Variants in DNAJC6 observed in about 807,000 individuals in gnomAD.
DNAJC6 encodes DnaJ heat shock protein family (Hsp40) member C6.
In DNAJC6, 34 loss-of-function variants were observed where a neutral mutation model predicts 110.0. The observed-to-expected ratio is 0.31, with a 90% confidence interval of 0.24 to 0.41. The LOEUF is 0.41. Among genes scored for constraint, DNAJC6 ranks in the 10% least tolerant of loss-of-function variants. The pLI, the probability that DNAJC6 is intolerant of heterozygous loss-of-function variation, is 1.00. For synonymous variants in DNAJC6, 406 were observed against 437.2 expected (o/e 0.93, Z 0.89); for missense variants, 1,031 against 1,207.8 (o/e 0.85, Z 2.17).
At chr1:65,290,226 G>A (rs993723507) in intron 1 of DNAJC6, among the ~76,000 whole-genome samples, 4 of 152,112 alleles carry the variant, frequency 2.6e-5, no homozygotes, top group African/African-American at 9.7e-5. Flanking sequence ...TGCCTTTTTT[G>A]TACTGATTTG....
intron 1 of DNAJC6, among the ~76,000 whole-genome samples, chr1:65,363,422 GAGAGAC>G (rs1557542444): frequency 1.5e-4 from 18 of 119,462 alleles, no homozygotes; most frequent in Non-Finnish European, 3.3e-4. Flanking sequence ...CAGAGAGAGA[GAGAGAC>G]AGAGAAAGAG....
At chr1:65,288,203 A>G (rs1413616088) in intron 1 of DNAJC6, among the ~76,000 whole-genome samples, 1 of 152,180 alleles carries the variant, frequency 6.6e-6, no homozygotes, top group South Asian at 2.1e-4. Flanking sequence ...TCAAATCCTG[A>G]GTCCTTAGGG....
intron 1 of DNAJC6, among the ~76,000 whole-genome samples, chr1:65,339,715 T>C (rs1265798097): frequency 6.6e-6 from 1 of 151,692 alleles, no homozygotes; most frequent in Non-Finnish European, 1.5e-5. Context: ...AACTGGGGAG[T>C]GGTCAGTCAA....
Position 65,406,122 on chromosome 1 carries a change from C to T in DNAJC6, c.2480C>T (p.Ser827Leu), listed in dbSNP as rs200310838. Residue 827 changes from serine to leucine, a missense_variant, in exon 16 of 19, where the codon TCA becomes TTA. Coordinates refer to ENST00000371069, the MANE Select transcript of DNAJC6 (RefSeq NM_001256864.2). ...PGGQNERGKG[S>L]SNLEGKQKAA... The stretch of plus-strand genomic sequence containing the variant: ...GGCCAGAACGAACGTGGGAAAGGAT[C>T]AAGTAATTTGGGTAAGGATAATGGT... 34 of 1,613,582 alleles carry T rather than the reference C, an allele frequency of 2.1e-5. No individual in the cohort carries two copies. The highest frequency in any genetic ancestry group is 2.7e-5 in the Non-Finnish European group (32 of 1,179,776).
chr1:65,329,682 G>C (rs1268576318), intron 1 of DNAJC6, among the ~76,000 whole-genome samples: 2 of 152,134 alleles, frequency 1.3e-5, no homozygotes, highest in East Asian at 3.9e-4. Flanking sequence ...CTGTCTGCAA[G>C]AAGGAACTGC....
At chr1:65,380,019 C>G (rs1187930678) in intron 5 of DNAJC6, among the ~76,000 whole-genome samples, 1 of 152,214 alleles carries the variant, frequency 6.6e-6, no homozygotes, top group African/African-American at 2.4e-5. Context: ...GAGTTCCTTT[C>G]CCTAACTCTT....
Position 65,386,062 on chromosome 1 carries a change from A to T in DNAJC6, c.995+156A>T, listed in dbSNP as rs1476149988. Among the ~76,000 whole-genome samples, 3 of 152,252 alleles carry T rather than the reference A, an allele frequency of 2.0e-5. No individual in the cohort carries two copies. In the East Asian group the frequency reaches 5.8e-4, roughly 29 times the overall value. On this transcript the variant is annotated intron_variant, in intron 7 of 18. Coordinates refer to ENST00000371069, the MANE Select transcript of DNAJC6 (RefSeq NM_001256864.2). ...ACATCAGTGGTAATCATAGAAAAGT[A>T]CAAGTAAATCAGGGGATGTTATGGC...
At chr1:65,347,377 G>C (rs544552745) in intron 1 of DNAJC6, among the ~76,000 whole-genome samples, 1 of 151,826 alleles carries the variant, frequency 6.6e-6, no homozygotes, top group South Asian at 2.1e-4. Context: ...TACGGCACAA[G>C]GCCCCGTCTG....
chr1:65,367,765 T>C (rs1257043813), intron 4 of DNAJC6, among the ~76,000 whole-genome samples: 3 of 152,130 alleles, frequency 2.0e-5, no homozygotes. Context: ...TCTATCAGTG[T>C]AACTAAAGAT....
intron 5 of DNAJC6, among the ~76,000 whole-genome samples, chr1:65,383,812 A>G (rs1645844992): frequency 6.6e-6 from 1 of 152,226 alleles, no homozygotes; most frequent in African/African-American, 2.4e-5. Context: ...AGATACATAT[A>G]TGCCATATCC....
intron 1 of DNAJC6, among the ~76,000 whole-genome samples, chr1:65,270,868 A>G (rs951590731): frequency 1.3e-5 from 2 of 152,022 alleles, no homozygotes; most frequent in Non-Finnish European, 2.9e-5. Flanking sequence ...TAGTAGAGTC[A>G]GGGTTTCACC....
At chr1:65,383,151 T>G (rs994532636) in intron 5 of DNAJC6, among the ~76,000 whole-genome samples, 1 of 152,170 alleles carries the variant, frequency 6.6e-6, no homozygotes, top group Non-Finnish European at 1.5e-5. Flanking sequence ...TCCCTGTCAC[T>G]TAAAGTGTTC....
chr1:65,360,649 G>A (rs1256494771), intron 1 of DNAJC6, among the ~76,000 whole-genome samples: 1 of 152,166 alleles, frequency 6.6e-6, no homozygotes, highest in African/African-American at 2.4e-5. Flanking sequence ...ACATGGTGGG[G>A]TGTGTTTACA....
intron 15 of DNAJC6, 113 bp from the exon 16 acceptor site, chr1:65,405,757 A>G (rs1646069453): frequency 8.0e-7 from 1 of 1,255,894 alleles, no homozygotes; most frequent in Non-Finnish European, 1.1e-6. Flanking sequence ...AAGATTACTT[A>G]TGCTGTCAGT....
At chr1:65,371,858 G>C (rs1645709601) in intron 4 of DNAJC6, among the ~76,000 whole-genome samples, 1 of 152,180 alleles carries the variant, frequency 6.6e-6, no homozygotes, top group South Asian at 2.1e-4. Context: ...GAACCCCAGA[G>C]AGCTACAAAA....
At chr1:65,277,461 T>A (rs1438719841) in intron 1 of DNAJC6, among the ~76,000 whole-genome samples, 1 of 152,250 alleles carries the variant, frequency 6.6e-6, no homozygotes, top group Admixed American at 6.5e-5. Context: ...CAATTCAACA[T>A]GATCCTAAAA....
At chr1:65,295,684 C>T (rs191935340) in intron 1 of DNAJC6, among the ~76,000 whole-genome samples, 1 of 152,214 alleles carries the variant, frequency 6.6e-6, no homozygotes, top group East Asian at 1.9e-4. Context: ...GTTCAAATAT[C>T]CAGGCTGGAA....
chr1:65,288,807 A>G (rs958253740), intron 1 of DNAJC6, among the ~76,000 whole-genome samples: 5 of 152,094 alleles, frequency 3.3e-5, no homozygotes, highest in African/African-American at 1.2e-4. Context: ...ATTTTGCCCA[A>G]ATTTATGTTT....
intron 1 of DNAJC6, among the ~76,000 whole-genome samples, chr1:65,323,427 C>T (rs541765181): frequency 6.6e-6 from 1 of 152,092 alleles, no homozygotes; most frequent in East Asian, 1.9e-4. Context: ...GTCTTGCTTC[C>T]CCTTTGCCTT....
Sources: allele counts gnomAD v4.1 joint callset (sites outside exome capture counted in the v4.1 genomes callset), GRCh38; gene constraint gnomAD v4.1.1; transcripts MANE v1.5; gene names NCBI Gene and HGNC (gene_info 2026-07-23, HGNC 2026-07-21).